RIMS1: variants seen among roughly 807,000 people sequenced by gnomAD.
RIMS1 encodes regulating synaptic membrane exocytosis protein 1.
Under a neutral mutation model 214.1 loss-of-function variants are expected in RIMS1, and 83 were observed. The ratio of observed to expected loss-of-function variants is 0.39; its 90% CI spans 0.32 to 0.47. RIMS1 has a LOEUF of 0.47. Among genes scored for constraint, RIMS1 ranks in the 20% least tolerant of loss-of-function variants. The pLI is 0.99. For missense variants in RIMS1, 2,050 were observed against 2,161.8 expected (o/e 0.95, Z 1.03); for synonymous variants, 793 against 786.8 (o/e 1.01, Z -0.13).
intron 26 of RIMS1, among the ~76,000 whole-genome samples, chr6:72,305,123 A>G (rs1436423555): frequency 6.6e-6 from 1 of 152,020 alleles, no homozygotes; most frequent in Non-Finnish European, 1.5e-5. Context: ...CATTTTGCAA[A>G]TAAAGATTTA....
intron 6 of RIMS1, among the ~76,000 whole-genome samples, chr6:72,231,297 G>T (rs764628237): frequency 6.6e-6 from 1 of 151,516 alleles, no homozygotes; most frequent in African/African-American, 2.4e-5. Context: ...TTTATTTTTT[G>T]TAAGTCTTTA....
intron 4 of RIMS1, among the ~76,000 whole-genome samples, chr6:72,106,882 T>C (rs1387882710): frequency 6.6e-6 from 1 of 152,238 alleles, no homozygotes; most frequent in East Asian, 1.9e-4. Flanking sequence ...ATGAGATTTA[T>C]GCGTCATATG....
At chr6:72,376,407 T>C (rs2098380285) in intron 29 of RIMS1, among the ~76,000 whole-genome samples, 1 of 152,150 alleles carries the variant, frequency 6.6e-6, no homozygotes, top group African/African-American at 2.4e-5. Flanking sequence ...CATCTGCTCC[T>C]TTCCTTGTAG....
At chr6:72,111,263 A>T (rs985354696) in intron 4 of RIMS1, among the ~76,000 whole-genome samples, 1 of 152,100 alleles carries the variant, frequency 6.6e-6, no homozygotes, top group African/African-American at 2.4e-5. Flanking sequence ...ATGTATGTTG[A>T]ATTTTCTGTA....
rs547284021 is a variant in RIMS1 at position 71,930,652 on chromosome 6, A to G, written c.165-38331A>G. ...ACTGGTTTTTGAGTGAATCGGGTCC[A>G]AGTATATGTCCCCTATGATTTCCCT... On this transcript the variant is annotated intron_variant, in intron 1 of 33. Transcript: ENST00000521978. Among the ~76,000 whole-genome samples the G allele has an allele frequency of 3.9e-5, 6 of 152,156 alleles. No individual in the cohort carries two copies. The South Asian group carries it at 1.2e-3, about 31-fold the overall frequency.
chr6:72,312,669 G>T (rs534538693), intron 27 of RIMS1, among the ~76,000 whole-genome samples: 2 of 152,232 alleles, frequency 1.3e-5, no homozygotes, highest in East Asian at 3.9e-4. Context: ...TTCTAAGTTA[G>T]TAGGTTAAAT....
At chr6:71,887,290 C>A in intron 1 of RIMS1, 103 bp downstream of exon 1, 1 of 1,462,510 alleles carries the variant, frequency 6.8e-7, no homozygotes. Context: ...AAGGGGCTGC[C>A]AGGGTGCTGG....
intron 1 of RIMS1, among the ~76,000 whole-genome samples, chr6:71,892,431 AAACTT>A: frequency 6.6e-6 from 1 of 152,248 alleles, no homozygotes; most frequent in African/African-American, 2.4e-5. Context: ...CCAGAGAACA[AAACTT>A]AAAGGAGTGA....
At chr6:71,996,313 T>A (rs1260747015) in intron 2 of RIMS1, among the ~76,000 whole-genome samples, 1 of 152,192 alleles carries the variant, frequency 6.6e-6, no homozygotes, top group Non-Finnish European at 1.5e-5. Flanking sequence ...TATGATCAAA[T>A]TGGCTATAAA....
In RIMS1 at chr6:71,890,596, A is replaced by AAAAAC. The variant is rs1554194854; in HGVS notation, c.164+3410_164+3411insAAACA. On this transcript the variant is annotated intron_variant, in intron 1 of 33. Coordinates refer to ENST00000521978, the MANE Select transcript of RIMS1 (RefSeq NM_014989.7). ...AAAAAAAAAAAAAAAAAAAAAAAAA[A>AAAAAC]ACTTCATAGAGAAAGCAGCTACTGA... Among the ~76,000 whole-genome samples the AAAAAC allele has an allele frequency of 6.6e-3, 748 of 112,918 alleles. 154 individuals carry two copies. The highest frequency in any genetic ancestry group is 0.021 in the African/African-American group (607 of 28,442). 74.1% of individuals were successfully genotyped at this position (112,918 alleles called of 152,430 possible).
At chr6:72,337,861 A>G (rs2096900183) in intron 29 of RIMS1, among the ~76,000 whole-genome samples, 1 of 149,988 alleles carries the variant, frequency 6.7e-6, no homozygotes, top group African/African-American at 2.5e-5. Context: ...TGTCCTTGTG[A>G]TAGTTTGCTG....
At chr6:71,927,916 C>T (rs535997031) in intron 1 of RIMS1, among the ~76,000 whole-genome samples, 3 of 152,182 alleles carry the variant, frequency 2.0e-5, no homozygotes, top group African/African-American at 7.2e-5. Flanking sequence ...TTACAGAATT[C>T]TACAGTTATT....
chr6:71,918,239 C>G (rs1008454877), intron 1 of RIMS1, among the ~76,000 whole-genome samples: 1 of 151,758 alleles, frequency 6.6e-6, no homozygotes, highest in African/African-American at 2.4e-5. Context: ...GGATGCAGAG[C>G]CAGTAGAGGA....
At chr6:71,992,196 G>A (rs765959876) in intron 2 of RIMS1, among the ~76,000 whole-genome samples, 7 of 152,148 alleles carry the variant, frequency 4.6e-5, no homozygotes, top group African/African-American at 4.8e-5. Flanking sequence ...GTTCAGAGAC[G>A]TCACATTAGA....
chr6:72,017,988 G>T (rs1813322391), intron 2 of RIMS1, among the ~76,000 whole-genome samples: 1 of 152,164 alleles, frequency 6.6e-6, no homozygotes, highest in Non-Finnish European at 1.5e-5. Context: ...TTAGCCAATG[G>T]AGGCACTTTG....
intron 1 of RIMS1, among the ~76,000 whole-genome samples, chr6:71,913,428 A>G (rs1777489500): frequency 6.6e-6 from 1 of 152,170 alleles, no homozygotes; most frequent in East Asian, 1.9e-4. Flanking sequence ...AAATCAGTTT[A>G]TCTTTTTATA....
At chr6:72,176,960 A>C (rs1002337814) in intron 4 of RIMS1, among the ~76,000 whole-genome samples, 1 of 152,224 alleles carries the variant, frequency 6.6e-6, no homozygotes, top group African/African-American at 2.4e-5. Flanking sequence ...GAACATGCCC[A>C]AATCTGGCAG....
chr6:72,260,151 G>C (rs181228479), intron 18 of RIMS1, among the ~76,000 whole-genome samples: 9 of 152,212 alleles, frequency 5.9e-5, no homozygotes, highest in Admixed American at 5.2e-4. Flanking sequence ...AGGGCTACTT[G>C]ACCAGGGCAG....
At chr6:71,898,451 A>G (rs901977643) in intron 1 of RIMS1, among the ~76,000 whole-genome samples, 10 of 152,172 alleles carry the variant, frequency 6.6e-5, no homozygotes, top group Non-Finnish European at 1.2e-4. Context: ...ACCCATACAT[A>G]ATAGGCCTCC....
Sources: gnomAD v4.1 joint callset for allele counts (sites outside exome capture counted in the v4.1 genomes callset) on GRCh38, gnomAD v4.1.1 for gene constraint, MANE v1.5 for transcripts, NCBI Gene and HGNC (gene_info 2026-07-23, HGNC 2026-07-21) for gene names.